EYA2: variants seen among roughly 807,000 people sequenced by gnomAD.
EYA2 encodes the protein protein phosphatase EYA2.
EYA2 carries 31 observed loss-of-function variants against 69.2 expected under a neutral mutation model. That is an observed-to-expected ratio of 0.45 (90% CI 0.34 to 0.60). The LOEUF is 0.60. Ranked by LOEUF, EYA2 falls within the 20% of genes least tolerant of loss-of-function variation. The pLI is 0.02. For synonymous variants in EYA2, 257 were observed against 279.4 expected (o/e 0.92, Z 0.80); for missense variants, 622 against 701.2 (o/e 0.89, Z 1.28).
intron 1 of EYA2, among the ~76,000 whole-genome samples, chr20:46,927,193 C>A (rs1985451077): frequency 6.6e-6 from 1 of 152,202 alleles, no homozygotes; most frequent in Admixed American, 6.5e-5. Flanking sequence ...AGAACTGACC[C>A]TGTGTGCTTA....
At chr20:47,083,577 CAAA>C (rs35525311) in intron 7 of EYA2, among the ~76,000 whole-genome samples, 16 of 120,638 alleles carry the variant, frequency 1.3e-4, no homozygotes, top group African/African-American at 3.3e-4. Context: ...GAGTCCATCT[CAAA>C]AAAAAAAAAA....
At chr20:46,930,027 T>G (rs950486719) in intron 1 of EYA2, among the ~76,000 whole-genome samples, 1 of 152,214 alleles carries the variant, frequency 6.6e-6, no homozygotes, top group African/African-American at 2.4e-5. Flanking sequence ...GTTTCTGATT[T>G]GGATGAAACA....
Position 47,153,748 on chromosome 20 carries a change from G to A in EYA2, c.978+10600G>A, listed in dbSNP as rs147432659. Among the ~76,000 whole-genome samples the A allele has an allele frequency of 2.2e-4, 34 of 152,000 alleles. 2 individuals are homozygous for A. The East Asian group carries it at 5.9e-3, about 27-fold the overall frequency. On this transcript the variant is annotated intron_variant, in intron 10 of 15. Coordinates refer to ENST00000327619, the MANE Select transcript of EYA2 (RefSeq NM_005244.5). ...GACATGAAGGAGCATGGCTGTATCC[G>A]GGTGAGTGCCATCCACTAAGAGGCC...
chr20:47,028,566 CACTGTGCCAGGT>C (rs1984226033), intron 5 of EYA2, among the ~76,000 whole-genome samples: 1 of 152,226 alleles, frequency 6.6e-6, no homozygotes, highest in Admixed American at 6.5e-5. Context: ...CTGTGCCAGG[CACTGTGCCAGGT>C]GCTGAGAAAG....
chr20:47,050,354 T>G (rs1400145594), intron 5 of EYA2, among the ~76,000 whole-genome samples: 2 of 152,222 alleles, frequency 1.3e-5, no homozygotes, highest in Admixed American at 1.3e-4. Flanking sequence ...CACCCATCCC[T>G]TGGGCTGACC....
At chr20:47,009,202 CAT>C (rs1292051392) in intron 4 of EYA2, among the ~76,000 whole-genome samples, 1 of 152,224 alleles carries the variant, frequency 6.6e-6, no homozygotes, top group Non-Finnish European at 1.5e-5. Flanking sequence ...CGCACACACA[CAT>C]ACACACACAC....
intron 2 of EYA2, among the ~76,000 whole-genome samples, chr20:46,998,892 A>G (rs1317976072): frequency 1.3e-5 from 2 of 152,192 alleles, no homozygotes; most frequent in South Asian, 2.1e-4. Context: ...TTGCACTTAC[A>G]AATGCCTGTT....
chr20:47,170,866 C>G (rs2034304074), intron 11 of EYA2, among the ~76,000 whole-genome samples: 1 of 152,180 alleles, frequency 6.6e-6, no homozygotes. Context: ...TAGCTGCTTC[C>G]AAGGTGTCTC....
At chr20:47,051,352 G>A (rs546482039) in intron 5 of EYA2, among the ~76,000 whole-genome samples, 22 of 152,322 alleles carry the variant, frequency 1.4e-4, no homozygotes, top group South Asian at 6.2e-4. Flanking sequence ...AAGTAGGGGG[G>A]CGGATTTTTA....
intron 10 of EYA2, among the ~76,000 whole-genome samples, chr20:47,167,876 T>C (rs2146647270): frequency 6.6e-6 from 1 of 152,304 alleles, no homozygotes; most frequent in Non-Finnish European, 1.5e-5. Flanking sequence ...GGGTTCGTTA[T>C]TCGGCCCAGC....
intron 1 of EYA2, among the ~76,000 whole-genome samples, chr20:46,973,485 C>T (rs1477587316): frequency 1.3e-5 from 2 of 152,122 alleles, no homozygotes; most frequent in East Asian, 1.9e-4. Flanking sequence ...ACTGTGTTCA[C>T]GATGACACAA....
At chr20:46,928,075 AATT>A (rs1208373184) in intron 1 of EYA2, among the ~76,000 whole-genome samples, 1 of 152,210 alleles carries the variant, frequency 6.6e-6, no homozygotes, top group Non-Finnish European at 1.5e-5. Context: ...TAGGTATTGT[AATT>A]ATTCTCACTT....
chr20:47,146,907 A>G (rs1173131268), intron 10 of EYA2, among the ~76,000 whole-genome samples: 4 of 152,236 alleles, frequency 2.6e-5, no homozygotes, highest in African/African-American at 7.2e-5. Context: ...CTTCCAGTTC[A>G]GGAGGCTGAC....
intron 9 of EYA2, among the ~76,000 whole-genome samples, chr20:47,099,522 ATCAC>A (rs1450675870): frequency 2.6e-5 from 4 of 152,170 alleles, no homozygotes; most frequent in Admixed American, 6.5e-5. Flanking sequence ...GTCTCAATCA[ATCAC>A]TCAATCAATA....
At chr20:47,150,630 G>A (rs927049452) in intron 10 of EYA2, among the ~76,000 whole-genome samples, 5 of 151,878 alleles carry the variant, frequency 3.3e-5, no homozygotes, top group African/African-American at 7.2e-5. Flanking sequence ...ACCATGCTCC[G>A]CTAATATTTT....
In EYA2 at chr20:47,005,063, G is replaced by A. The variant is rs116501176; in HGVS notation, c.277G>A (p.Ala93Thr). 1.0e-3 allele frequency: 1,607 copies of A among 1,613,784 alleles called. 9 individuals carry two copies. In the African/African-American group the frequency reaches 0.019, roughly 19 times the overall value. ...PYTAYPPPAQ[A>T]YGIPSYSIKT... Reference sequence around the variant, plus strand: ...TACAGCTTACCCACCTCCAGCACAAGCCTATGGAATCCCTTCCTACAGTGA... The same window carrying A: ...TACAGCTTACCCACCTCCAGCACAAACCTATGGAATCCCTTCCTACAGTGA... Residue 93 changes from alanine (A) to threonine (T), a missense_variant, in exon 4 of 16, where the codon GCC (alanine) becomes ACC (threonine). Around this residue, in one of 2 missense-constraint regions of EYA2, gnomAD observed 365 missense variants for 349.7 expected, o/e 1.04. Coordinates refer to ENST00000327619, the MANE Select transcript of EYA2 (RefSeq NM_005244.5).
chr20:46,991,986 A>AAAAAC (rs10644182), intron 2 of EYA2, among the ~76,000 whole-genome samples: 5 of 134,252 alleles, frequency 3.7e-5, no homozygotes, highest in Non-Finnish European at 6.3e-5. Context: ...AAAAAAAAAA[A>AAAAAC]CGCTGAAAGC....
At chr20:47,012,353 C>T (rs1241325030) in intron 4 of EYA2, among the ~76,000 whole-genome samples, 1 of 152,220 alleles carries the variant, frequency 6.6e-6, no homozygotes, top group African/African-American at 2.4e-5. Flanking sequence ...ACCAGATTTC[C>T]TTTGAACATA....
chr20:47,131,092 G>GA (rs202033871), intron 9 of EYA2, among the ~76,000 whole-genome samples: 4,822 of 149,510 alleles, frequency 0.032, 107 homozygotes, highest in Non-Finnish European at 0.046. Flanking sequence ...TCCATCTCAA[G>GA]AAAAAAAAAA....
Sources: gnomAD v4.1 joint callset for allele counts (sites outside exome capture counted in the v4.1 genomes callset) on GRCh38, gnomAD v4.1.1 for gene constraint, gnomAD v4.1.1 regional missense constraint, MANE v1.5 for transcripts, NCBI Gene and HGNC (gene_info 2026-07-23, HGNC 2026-07-21) for gene names.